PDK1: variants seen among roughly 807,000 people sequenced by gnomAD.
The protein encoded by PDK1 is [Pyruvate dehydrogenase (acetyl-transferring)] kinase isozyme 1, mitochondrial.
Under a neutral mutation model 54.2 loss-of-function variants are expected in PDK1, and 39 were observed. The observed-to-expected ratio is 0.72, with a 90% CI of 0.56 to 0.94. PDK1 has a LOEUF of 0.94. Ranked by LOEUF, PDK1 falls within the 40% of genes least tolerant of loss-of-function variation. The pLI, the probability that PDK1 is intolerant of heterozygous loss-of-function variation, is 0.00. For synonymous variants in PDK1, 221 were observed against 207.1 expected (o/e 1.07, Z -0.58); for missense variants, 552 against 566.0 (o/e 0.98, Z 0.25).
At chr2:172,700,297 G>C in the PDK1 span, among the ~76,000 whole-genome samples, 6 of 149,354 alleles carry the variant, frequency 4.0e-5, no homozygotes, top group African/African-American at 1.5e-4. Flanking sequence ...GGTGGCGGCC[G>C]GGCAGAGGGG....
chr2:172,574,907 A>G (rs1315831341), intron 8 of PDK1, among the ~76,000 whole-genome samples: 1 of 152,246 alleles, frequency 6.6e-6, no homozygotes, highest in African/African-American at 2.4e-5. Flanking sequence ...AGTGTTGAAT[A>G]GAAGTGCTGA....
intron 7 of PDK1, among the ~76,000 whole-genome samples, chr2:172,569,696 A>T (rs1689142385): frequency 6.6e-6 from 1 of 152,212 alleles, no homozygotes; most frequent in South Asian, 2.1e-4. Context: ...AATACCTTAC[A>T]AAATCTTTTT....
At chr2:172,561,027 A>G (rs1017564360) in intron 2 of PDK1, among the ~76,000 whole-genome samples, 4 of 152,258 alleles carry the variant, frequency 2.6e-5, no homozygotes, top group African/African-American at 4.8e-5. Flanking sequence ...TATGACTGCT[A>G]TATATATGAT....
At chr2:172,657,450 TGC>T in the PDK1 span, among the ~76,000 whole-genome samples, 19 of 142,822 alleles carry the variant, frequency 1.3e-4, no homozygotes, top group South Asian at 2.2e-4. Flanking sequence ...TTTTAAATGA[TGC>T]TTATATTTTT....
the PDK1 span, among the ~76,000 whole-genome samples, chr2:172,704,521 C>G: frequency 7.2e-5 from 11 of 152,122 alleles, no homozygotes; most frequent in Non-Finnish European, 1.3e-4. Flanking sequence ...TTCAGGAGAG[C>G]CCACAAGAGG....
intron 7 of PDK1, among the ~76,000 whole-genome samples, chr2:172,569,792 GC>G (rs1689147675): frequency 1.3e-5 from 2 of 152,148 alleles, no homozygotes; most frequent in African/African-American, 4.8e-5. Context: ...AAGCAGTCCT[GC>G]CCCAGAGTGT....
At chr2:172,713,513 A>C in the PDK1 span, among the ~76,000 whole-genome samples, 1 of 152,182 alleles carries the variant, frequency 6.6e-6, no homozygotes, top group Non-Finnish European at 1.5e-5. Context: ...GTTGGTGCCC[A>C]AAGTCTGGAG....
In PDK1 at chr2:172,606,598, T is replaced by C. The variant is rs1691302216; in HGVS notation, c.*10629T>C. 1 of 152,184 alleles carries C rather than the reference T, an allele frequency of 6.6e-6. No homozygotes were observed. Among genetic ancestry groups the C allele is most frequent in the Admixed American group, 6.5e-5 (1 of 15,280 alleles). The allele number at this position is 152,184 out of a possible 1,614,324, so 9.4% of individuals were successfully genotyped here. A position where few individuals can be genotyped will look rare whatever the true frequency, so the allele number is the denominator to read the frequency against. On this transcript the variant is annotated 3_prime_UTR_variant, in exon 11 of 11. Coordinates refer to ENST00000282077, the MANE Select transcript of PDK1 (RefSeq NM_002610.5). ...CATCTGGCTTTCAGAGGACCTTTCA[T>C]GGTTGTCAGGTTAAGTTCCTGATAC...
rs1263837064 is a variant in PDK1 at position 172,606,036 on chromosome 2, A to T, written c.*10067A>T. The T allele has an allele frequency of 6.6e-6, 1 of 152,158 alleles. No homozygotes were observed. Among genetic ancestry groups the T allele is most frequent in the Non-Finnish European group, 1.5e-5 (1 of 68,038 alleles). The allele number at this position is 152,158 out of a possible 1,614,324, so 9.4% of individuals were successfully genotyped here. On this transcript the variant is annotated 3_prime_UTR_variant, in exon 11 of 11. Coordinates refer to ENST00000282077, the MANE Select transcript of PDK1 (RefSeq NM_002610.5). Reference sequence around the variant, plus strand: ...TCTGTACTATTATAGACATAAAACCATTTAATTTCATAGATACCTTCAGTG... The same window carrying T: ...TCTGTACTATTATAGACATAAAACCTTTTAATTTCATAGATACCTTCAGTG...
chr2:172,651,704 A>C, the PDK1 span, among the ~76,000 whole-genome samples: 1 of 152,214 alleles, frequency 6.6e-6, no homozygotes, highest in African/African-American at 2.4e-5. Context: ...ACGCAAATAA[A>C]CTAGTAAATC....
the PDK1 span, among the ~76,000 whole-genome samples, chr2:172,666,748 A>G: frequency 0.93 from 141,375 of 152,144 alleles, 65,852 homozygotes; most frequent in Middle Eastern, 0.99. Flanking sequence ...TAGAGGCTAG[A>G]AGGGGGTTAT....
At position 172,562,259 on chromosome 2, in the gene PDK1, CA is replaced by C; in HGVS notation, c.382del (p.Ser128ValfsTer15). ...TTCAGGAGCTTCTTGATTTTAAGGACAAAAGTGCTGAGGATGCTAAAGCTAT... is the reference window on the plus strand; with the variant it reads ...TTCAGGAGCTTCTTGATTTTAAGGACAAAGTGCTGAGGATGCTAAAGCTAT... Reference protein sequence around the residue: ...SLQELLDFKDKSAEDAKAIYD... With the variant: ...SLQELLDFKDXSAEDAKAIYD... On this transcript the variant is annotated frameshift_variant, in exon 3 of 11. Transcript: ENST00000282077. LOFTEE classifies it high-confidence loss of function. The C allele has an allele frequency of 6.2e-7, 1 of 1,602,640 alleles. No individual in the cohort carries two copies. Among genetic ancestry groups the C allele is most frequent in the Non-Finnish European group, 8.5e-7 (1 of 1,169,844 alleles).
chr2:172,633,385 T>C, the PDK1 span, among the ~76,000 whole-genome samples: 150 of 9,636 alleles, frequency 0.016, no homozygotes, highest in African/African-American at 0.024. Flanking sequence ...TTCTTTCTTT[T>C]TTTTTTTTTT....
chr2:172,673,096 A>G, the PDK1 span, among the ~76,000 whole-genome samples: 1 of 152,182 alleles, frequency 6.6e-6, no homozygotes. Flanking sequence ...TACACTTGGA[A>G]GAAGGCCAAG....
the PDK1 span, among the ~76,000 whole-genome samples, chr2:172,654,072 C>A: frequency 6.6e-6 from 1 of 152,162 alleles, no homozygotes; most frequent in African/African-American, 2.4e-5. Flanking sequence ...TAATGAGATA[C>A]CATCTCACAC....
chr2:172,587,654 G>A (rs944076480), intron 9 of PDK1, among the ~76,000 whole-genome samples: 5 of 149,674 alleles, frequency 3.3e-5, no homozygotes, highest in African/African-American at 7.3e-5. Context: ...GTGGCTTGCC[G>A]CTGCTGGCTG....
At chr2:172,720,881 C>G in the PDK1 span, among the ~76,000 whole-genome samples, 1 of 152,140 alleles carries the variant, frequency 6.6e-6, no homozygotes, top group Non-Finnish European at 1.5e-5. Context: ...CAACTGCACT[C>G]CCCTCCTCCA....
the PDK1 span, among the ~76,000 whole-genome samples, chr2:172,633,152 C>A: frequency 6.6e-6 from 1 of 151,764 alleles, no homozygotes; most frequent in South Asian, 2.1e-4. Context: ...AAGCGATCCT[C>A]CTGTCTCAGC....
chr2:172,584,147 T>A (rs890323235), intron 8 of PDK1, among the ~76,000 whole-genome samples: 1 of 152,186 alleles, frequency 6.6e-6, no homozygotes. Flanking sequence ...GCTGTAAAAT[T>A]GCTGGTAGAT....
Sources: gnomAD v4.1 joint callset for allele counts (sites outside exome capture counted in the v4.1 genomes callset) on GRCh38, gnomAD v4.1.1 for gene constraint, MANE v1.5 for transcripts, NCBI Gene and HGNC (gene_info 2026-07-23, HGNC 2026-07-21) for gene names.